LRRTM3: variants seen among roughly 807,000 people sequenced by gnomAD.
LRRTM3 encodes the protein leucine-rich repeat transmembrane neuronal protein 3.
LRRTM3 carries 24 observed loss-of-function variants against 44.7 expected under a neutral mutation model. The observed-to-expected ratio is 0.54, with a 90% CI of 0.39 to 0.76. The LOEUF is 0.76. LRRTM3 is among the 30% of genes least tolerant of loss of function. The pLI, the probability that LRRTM3 is intolerant of heterozygous loss-of-function variation, is 0.00. For missense variants in LRRTM3, 587 were observed against 702.2 expected, an observed-to-expected ratio of 0.84 and a Z score of 1.85; for synonymous variants, 277 against 278.7, an observed-to-expected ratio of 0.99 and a Z score of 0.06.
At chr10:67,005,320 T>C (rs1851903626) in intron 2 of LRRTM3, among the ~76,000 whole-genome samples, 1 of 152,162 alleles carries the variant, frequency 6.6e-6, no homozygotes, top group Non-Finnish European at 1.5e-5. Flanking sequence ...AGAGGCATAA[T>C]TGAAGGGAGA....
chr10:66,946,780 C>T (rs1364435497), intron 2 of LRRTM3, among the ~76,000 whole-genome samples: 2 of 151,992 alleles, frequency 1.3e-5, no homozygotes, highest in Non-Finnish European at 2.9e-5. Context: ...CCCAGGCACA[C>T]ACATAGAATT....
At chr10:67,010,552 G>C (rs201061668) in intron 2 of LRRTM3, among the ~76,000 whole-genome samples, 5 of 152,100 alleles carry the variant, frequency 3.3e-5, no homozygotes, top group Non-Finnish European at 5.9e-5. Context: ...GAAGAAGAGT[G>C]GGGGGAGCAC....
intron 2 of LRRTM3, among the ~76,000 whole-genome samples, chr10:66,971,193 C>T (rs767289347): frequency 2.6e-5 from 4 of 152,118 alleles, no homozygotes; most frequent in African/African-American, 9.6e-5. Context: ...TTTGGGAGAC[C>T]GAGGCAGGCA....
intron 2 of LRRTM3, among the ~76,000 whole-genome samples, chr10:67,094,850 A>G (rs1450408224): frequency 3.3e-5 from 5 of 151,730 alleles, no homozygotes; most frequent in African/African-American, 1.2e-4. Context: ...CATATACCAT[A>G]TCATGTATAT....
At chr10:67,003,634 CATATTACT>C (rs1322597364) in intron 2 of LRRTM3, among the ~76,000 whole-genome samples, 2 of 152,148 alleles carry the variant, frequency 1.3e-5, no homozygotes, top group Non-Finnish European at 2.9e-5. Flanking sequence ...AAACCTATTT[CATATTACT>C]TTTTCAAGTG....
chr10:67,069,467 T>C (rs895106870), intron 2 of LRRTM3, among the ~76,000 whole-genome samples: 2 of 152,112 alleles, frequency 1.3e-5, no homozygotes, highest in African/African-American at 4.8e-5. Flanking sequence ...TATGTATACA[T>C]ATCATGATGG....
intron 2 of LRRTM3, among the ~76,000 whole-genome samples, chr10:66,978,453 G>T (rs1203454694): frequency 6.8e-6 from 1 of 147,572 alleles, no homozygotes; most frequent in Non-Finnish European, 1.5e-5. Flanking sequence ...CTTTAACCTG[G>T]GAGGCGGAGG....
At chr10:67,061,996 C>T (rs1855783785) in intron 2 of LRRTM3, among the ~76,000 whole-genome samples, 1 of 152,048 alleles carries the variant, frequency 6.6e-6, no homozygotes, top group Non-Finnish European at 1.5e-5. Flanking sequence ...ATTTTTCAAC[C>T]TACTTCCCCA....
At position 66,928,116 on chromosome 10, in the gene LRRTM3, A is replaced by C. The variant is rs558870437; in HGVS notation, c.1200A>C (p.Gly400=). The C allele has an allele frequency of 1.2e-6, 2 of 1,613,848 alleles. No homozygotes were observed. The highest frequency in any genetic ancestry group is 1.3e-5 in the African/African-American group (1 of 74,966). ...AACCCCCTTTGCCCCCGACGGTGGG[A>C]GCCACAGAGCCCGGCCCAGAGACCG... ...ESKPPLPPTV[G]ATEPGPETDA... is the part of the protein sequence containing the mutation. Residue 400 remains glycine (G), a synonymous_variant, in exon 2 of 3, where the codon GGA becomes GGC. Coordinates refer to ENST00000361320, the MANE Select transcript of LRRTM3 (RefSeq NM_178011.5).
intron 2 of LRRTM3, among the ~76,000 whole-genome samples, chr10:67,037,728 G>A (rs1854151970): frequency 6.6e-6 from 1 of 152,126 alleles, no homozygotes; most frequent in Admixed American, 6.5e-5. Context: ...AGGTGTAGGT[G>A]GTGTGAGAGG....
At chr10:66,943,164 C>T (rs944413911) in intron 2 of LRRTM3, among the ~76,000 whole-genome samples, 24 of 152,098 alleles carry the variant, frequency 1.6e-4, no homozygotes, top group Admixed American at 3.3e-4. Flanking sequence ...GAAAATAATT[C>T]GTTCTTTTTA....
At chr10:66,993,001 C>A (rs1851123307) in intron 2 of LRRTM3, among the ~76,000 whole-genome samples, 1 of 152,022 alleles carries the variant, frequency 6.6e-6, no homozygotes, top group Non-Finnish European at 1.5e-5. Flanking sequence ...CAAAACAAAA[C>A]AGTGGAGGTT....
chr10:67,080,962 G>A (rs1257304746), intron 2 of LRRTM3, among the ~76,000 whole-genome samples: 1 of 150,782 alleles, frequency 6.6e-6, no homozygotes, highest in African/African-American at 2.4e-5. Flanking sequence ...AAGAAGAGGT[G>A]AAGTAACTTA....
chr10:66,939,511 C>A (rs1314075935), intron 2 of LRRTM3, among the ~76,000 whole-genome samples: 1 of 152,226 alleles, frequency 6.6e-6, no homozygotes, highest in East Asian at 1.9e-4. Flanking sequence ...GTATTCAACT[C>A]TTTTGTTTGG....
At chr10:66,971,687 A>T (rs778091127) in intron 2 of LRRTM3, among the ~76,000 whole-genome samples, 1 of 152,164 alleles carries the variant, frequency 6.6e-6, no homozygotes. Context: ...AAGAACAGGT[A>T]AGGGTATAAA....
At chr10:66,985,719 T>G (rs1418641539) in intron 2 of LRRTM3, among the ~76,000 whole-genome samples, 1 of 152,056 alleles carries the variant, frequency 6.6e-6, no homozygotes, top group Non-Finnish European at 1.5e-5. Flanking sequence ...TCTTTCTGTT[T>G]GTTTATTTGT....
chr10:66,960,724 G>A (rs1849063060), intron 2 of LRRTM3, among the ~76,000 whole-genome samples: 1 of 152,060 alleles, frequency 6.6e-6, no homozygotes, highest in Admixed American at 6.6e-5. Flanking sequence ...AATTTTAAGG[G>A]GGAAATACAG....
Position 67,097,820 on chromosome 10 carries a change from T to A in LRRTM3, c.*24T>A. The stretch of plus-strand genomic sequence containing the variant: ...AACTGAGATCATTGGTAGCCAGGGG[T>A]TGCTACCAAACTTTGTAACCTCAAG... On this transcript the variant is annotated 3_prime_UTR_variant, in exon 3 of 3. Coordinates refer to ENST00000361320, the MANE Select transcript of LRRTM3 (RefSeq NM_178011.5). 6.2e-7 allele frequency: 1 copy of A among 1,608,714 alleles called. No homozygotes were observed. Among genetic ancestry groups the A allele is most frequent in the Non-Finnish European group, 8.5e-7 (1 of 1,175,876 alleles).
At chr10:66,980,372 A>T (rs1251274395) in intron 2 of LRRTM3, among the ~76,000 whole-genome samples, 3 of 152,188 alleles carry the variant, frequency 2.0e-5, no homozygotes, top group African/African-American at 7.2e-5. Flanking sequence ...GTTAGCAGCA[A>T]ACTATATAGG....
Sources: allele counts gnomAD v4.1 joint callset (sites outside exome capture counted in the v4.1 genomes callset), GRCh38; gene constraint gnomAD v4.1.1; transcripts MANE v1.5; gene names NCBI Gene and HGNC (gene_info 2026-07-23, HGNC 2026-07-21).